Variants in RORA observed in about 807,000 individuals in gnomAD.
RORA encodes the protein nuclear receptor ROR-alpha.
In RORA, 7 loss-of-function variants were observed where a neutral mutation model predicts 69.5. The ratio of observed to expected loss-of-function variants is 0.10; its 90% CI spans 0.06 to 0.19. RORA has a LOEUF of 0.19. RORA is among the 10% of genes least tolerant of loss of function. RORA has a pLI of 1.00. For missense variants in RORA, 457 were observed against 663.0 expected (o/e 0.69, Z 3.41); for synonymous variants, 261 against 240.8 (o/e 1.08, Z -0.78).
intron 1 of RORA, among the ~76,000 whole-genome samples, chr15:61,029,615 G>A (rs1373947326): frequency 1.3e-5 from 2 of 152,140 alleles, no homozygotes; most frequent in African/African-American, 2.4e-5. Context: ...TGGATGGGCC[G>A]AAGTGAAGAG....
At chr15:60,763,065 ATTTTTTTTTTTTTTTTT>A (rs374433414) in intron 1 of RORA, among the ~76,000 whole-genome samples, 6 of 48,368 alleles carry the variant, frequency 1.2e-4, no homozygotes, top group Non-Finnish European at 1.9e-4. Flanking sequence ...ATATGCACAG[ATTTTTTTTTTTTTTTTT>A]TTTTTTTTTT....
chr15:60,940,918 T>A (rs552098647), intron 1 of RORA, among the ~76,000 whole-genome samples: 2 of 152,312 alleles, frequency 1.3e-5, no homozygotes, highest in East Asian at 3.9e-4. Flanking sequence ...AGAGTGAGAC[T>A]CTGTCTCTAA....
chr15:60,816,825 G>A (rs2072824258), intron 1 of RORA, among the ~76,000 whole-genome samples: 1 of 151,944 alleles, frequency 6.6e-6, no homozygotes, highest in South Asian at 2.1e-4. Flanking sequence ...GGTGCTATAT[G>A]TTTATAATTG....
chr15:60,929,363 T>G (rs1198109853), intron 1 of RORA, among the ~76,000 whole-genome samples: 1 of 152,198 alleles, frequency 6.6e-6, no homozygotes, highest in Non-Finnish European at 1.5e-5. Context: ...AAGTCTGGTA[T>G]TCATCACTGG....
intron 1 of RORA, among the ~76,000 whole-genome samples, chr15:61,068,391 T>C (rs1019412316): frequency 2.0e-5 from 3 of 152,248 alleles, no homozygotes; most frequent in Admixed American, 6.5e-5. Context: ...CTCTTGAAGA[T>C]AGCCTCCACC....
chr15:60,974,184 A>T (rs949241860), intron 1 of RORA, among the ~76,000 whole-genome samples: 9 of 152,200 alleles, frequency 5.9e-5, no homozygotes, highest in African/African-American at 2.2e-4. Context: ...GTCAAGGAGC[A>T]TCAGATTCTC....
chr15:60,618,418 G>GT (rs994821217), intron 2 of RORA, among the ~76,000 whole-genome samples: 1 of 152,160 alleles, frequency 6.6e-6, no homozygotes, highest in African/African-American at 2.4e-5. Flanking sequence ...CGTCCTTTGT[G>GT]TTCAGTATTG....
At chr15:60,722,960 C>T (rs1192888988) in intron 1 of RORA, among the ~76,000 whole-genome samples, 1 of 152,074 alleles carries the variant, frequency 6.6e-6, no homozygotes, top group Non-Finnish European at 1.5e-5. Flanking sequence ...TGCCACTGAC[C>T]CTTGAGTTTA....
At chr15:61,007,744 AGCCTAATGT>A (rs1894954384) in intron 1 of RORA, among the ~76,000 whole-genome samples, 2 of 148,588 alleles carry the variant, frequency 1.3e-5, no homozygotes, top group Non-Finnish European at 3.0e-5. Flanking sequence ...ATATAACATT[AGCCTAATGT>A]TATATATTAT....
In RORA at chr15:60,516,211, A is replaced by ATATATATATATT. The variant is rs1286406160; in HGVS notation, c.283-1466_283-1455dup. Among the ~76,000 whole-genome samples, 74 of 18,554 alleles carry ATATATATATATT rather than the reference A, an allele frequency of 4.0e-3. 1 individual carries two copies. Among genetic ancestry groups the ATATATATATATT allele is most frequent in the Non-Finnish European group, 5.1e-3 (54 of 10,688 alleles). The allele number at this position is 18,554 out of a possible 152,430, so 12.2% of individuals were successfully genotyped here. On this transcript the variant is annotated intron_variant, in intron 3 of 10. Transcript: ENST00000335670. ...TATATATATATTTATATATATATTT[A>ATATATATATATT]TATATATATATTTATATATATATTT...
chr15:61,008,591 C>A (rs1196956774), intron 1 of RORA, among the ~76,000 whole-genome samples: 1 of 152,078 alleles, frequency 6.6e-6, no homozygotes, highest in Non-Finnish European at 1.5e-5. Flanking sequence ...CTTATAACTA[C>A]AATCAGGTCA....
chr15:60,567,721 T>C (rs2067758530), intron 2 of RORA, among the ~76,000 whole-genome samples: 1 of 152,176 alleles, frequency 6.6e-6, no homozygotes, highest in Non-Finnish European at 1.5e-5. Flanking sequence ...GATACCCTCT[T>C]TTATTAGCAA....
intron 1 of RORA, among the ~76,000 whole-genome samples, chr15:61,017,297 C>T (rs565182191): frequency 9.9e-4 from 151 of 152,154 alleles, no homozygotes; most frequent in Admixed American, 1.5e-3. Context: ...TTGCTGTCAA[C>T]GGTACTTGGT....
chr15:61,185,617 C>G (rs2079733824), intron 1 of RORA, among the ~76,000 whole-genome samples: 1 of 152,196 alleles, frequency 6.6e-6, no homozygotes, highest in Non-Finnish European at 1.5e-5. Flanking sequence ...TCTTTTGGCT[C>G]CCACATTCAA....
At chr15:60,630,814 A>G (rs1340678000) in intron 2 of RORA, among the ~76,000 whole-genome samples, 1 of 151,940 alleles carries the variant, frequency 6.6e-6, no homozygotes, top group Non-Finnish European at 1.5e-5. Context: ...AAAGGAGGAA[A>G]CTGATGGGCA....
chr15:60,519,186 T>TTCATGACAG (rs2066071602), intron 3 of RORA, among the ~76,000 whole-genome samples: 1 of 152,178 alleles, frequency 6.6e-6, no homozygotes, highest in Non-Finnish European at 1.5e-5. Flanking sequence ...AACTTCTTCC[T>TTCATGACAG]TCATGACAGT....
chr15:60,911,069 ATTTTTTT>A (rs528370848), intron 1 of RORA, among the ~76,000 whole-genome samples: 53 of 89,650 alleles, frequency 5.9e-4, no homozygotes, highest in African/African-American at 1.1e-3. Context: ...TGCCCAGCTA[ATTTTTTT>A]TTTTTTTTTT....
At chr15:60,675,186 G>C (rs151025436) in intron 2 of RORA, among the ~76,000 whole-genome samples, 3 of 152,140 alleles carry the variant, frequency 2.0e-5, no homozygotes, top group African/African-American at 7.2e-5. Flanking sequence ...TGAATGACTC[G>C]TTGTCCTTGG....
chr15:60,960,322 C>G (rs1053215203), intron 1 of RORA, among the ~76,000 whole-genome samples: 1 of 152,218 alleles, frequency 6.6e-6, no homozygotes, highest in Non-Finnish European at 1.5e-5. Context: ...ACAACCTCTA[C>G]AAGCAAATGA....
Sources: allele counts gnomAD v4.1 joint callset (sites outside exome capture counted in the v4.1 genomes callset), GRCh38; gene constraint gnomAD v4.1.1; transcripts MANE v1.5; gene names NCBI Gene and HGNC (gene_info 2026-07-23, HGNC 2026-07-21).